The following CCDC66 variants were observed in gnomAD, a reference collection of about 807,000 sequenced individuals.
The protein encoded by CCDC66 is coiled-coil domain-containing protein 66.
CCDC66 carries 133 observed loss-of-function variants against 128.3 expected under a neutral mutation model. The ratio of observed to expected loss-of-function variants is 1.04; its 90% CI spans 0.90 to 1.20. The LOEUF (loss-of-function observed/expected upper bound fraction) is 1.20, where lower values mean the gene tolerates loss of function less well. CCDC66 is among the 50% of genes most tolerant of loss of function. The pLI is 0.00. For missense variants in CCDC66, 1,126 were observed against 1,075.5 expected (o/e 1.05, Z -0.66); for synonymous variants, 387 against 357.0 (o/e 1.08, Z -0.95).
At chr3:56,619,633 G>A (rs1031888374) in intron 16 of CCDC66, 106 bp downstream of exon 16, 33 of 1,489,378 alleles carry the variant, frequency 2.2e-5, no homozygotes, top group Non-Finnish European at 2.8e-5. Context: ...GTTCTATAAA[G>A]TTTCTTGAAT....
chr3:56,566,705 C>T lies in CCDC66; in HGVS notation c.656C>T (p.Ser219Phe). 3 of 1,613,788 alleles carry T rather than the reference C, an allele frequency of 1.9e-6. No homozygotes were observed. Among genetic ancestry groups the T allele is most frequent in the Non-Finnish European group, 2.5e-6 (3 of 1,179,838 alleles). ...MVSSVPAENK[S>F]VLNEHQETSK... ...TCATCTGTCCCAGCTGAAAATAAATCTGTCTTAAATGAACATCAGGAGACA... is the reference window on the plus strand; with the variant it reads ...TCATCTGTCCCAGCTGAAAATAAATTTGTCTTAAATGAACATCAGGAGACA... Residue 219 changes from serine (S) to phenylalanine (F), a missense_variant, in exon 5 of 18, where the codon TCT (serine) becomes TTT (phenylalanine). Coordinates refer to ENST00000394672, the MANE Select transcript of CCDC66 (RefSeq NM_001141947.3).
intron 10 of CCDC66, among the ~76,000 whole-genome samples, 160 bp from the exon 11 acceptor site, chr3:56,613,429 G>T (rs551688433): frequency 1.3e-5 from 2 of 152,096 alleles, no homozygotes; most frequent in Non-Finnish European, 1.5e-5. Context: ...GAATTCCACT[G>T]TTCTCTGTTA....
At chr3:56,595,129 A>T (rs1314799358) in intron 10 of CCDC66, among the ~76,000 whole-genome samples, 1 of 152,164 alleles carries the variant, frequency 6.6e-6, no homozygotes, top group Non-Finnish European at 1.5e-5. Context: ...TTGATATATA[A>T]TGTTTTATAT....
At position 56,577,851 on chromosome 3, in the gene CCDC66, A is replaced by G. The variant is rs1017728212; in HGVS notation, c.936+6549A>G. ...GTAGTGTAGTTTGAAGTGAGACAGC[A>G]TGATGCCTCCAGCTTTGTTCTTTTT... is the stretch of plus-strand genomic sequence containing the variant. On this transcript the variant is annotated intron_variant, in intron 7 of 17. Transcript: ENST00000394672. 2.0e-5 allele frequency among the ~76,000 whole-genome samples: 3 copies of G among 151,790 alleles called. No individual in the cohort carries two copies. In the Admixed American group the frequency reaches 2.0e-4, roughly 10 times the overall value.
At chr3:56,603,805 C>T (rs1415607721) in intron 10 of CCDC66, among the ~76,000 whole-genome samples, 12 of 151,912 alleles carry the variant, frequency 7.9e-5, no homozygotes, top group Non-Finnish European at 1.8e-4. Context: ...ATTAGGTCTG[C>T]TTGGTCCAGA....
Position 56,612,764 on chromosome 3 carries a change from CTCAGGTG to C in CCDC66, c.1405-824_1405-818del, listed in dbSNP as rs1251341824. ...TTGGGCCCATACTCTAGGAGGAGTG[CTCAGGTG>C]CCAATGGTGGTGTCCTGGGCAGGGC... On this transcript the variant is annotated intron_variant, in intron 10 of 17. Coordinates refer to ENST00000394672, the MANE Select transcript of CCDC66 (RefSeq NM_001141947.3). Among the ~76,000 whole-genome samples the C allele has an allele frequency of 3.3e-5, 5 of 152,256 alleles. No homozygotes were observed. The East Asian group carries it at 9.7e-4, about 29-fold the overall frequency.
At chr3:56,618,141 T>A in intron 14 of CCDC66, 31 bp from the exon 15 acceptor site, 2 of 1,555,324 alleles carry the variant, frequency 1.3e-6, no homozygotes, top group Non-Finnish European at 1.8e-6. Flanking sequence ...TGCTATATAT[T>A]CCTTTCTGCA....
At chr3:56,619,227 C>T in intron 15 of CCDC66, 44 bp from the exon 16 acceptor site, 2 of 1,399,430 alleles carry the variant, frequency 1.4e-6, no homozygotes, top group Non-Finnish European at 1.9e-6. Context: ...AAGAGATATA[C>T]TTAATCTAAA....
intron 4 of CCDC66, among the ~76,000 whole-genome samples, chr3:56,566,229 A>C (rs2065842616): frequency 6.6e-6 from 1 of 152,040 alleles, no homozygotes; most frequent in Admixed American, 6.6e-5. Flanking sequence ...GGCTCAACCC[A>C]TCCTCCCACC....
chr3:56,619,012 A>C, intron 15 of CCDC66: 1 of 321,652 alleles, frequency 3.1e-6, no homozygotes, highest in Non-Finnish European at 5.7e-6. Flanking sequence ...TGAGGTCAGG[A>C]GTTCAAGACC....
At position 56,605,202 on chromosome 3, in the gene CCDC66, A is replaced by G. The variant is rs200777518; in HGVS notation, c.1405-8387A>G. Among the ~76,000 whole-genome samples, 11 of 152,074 alleles carry G rather than the reference A, an allele frequency of 7.2e-5. No individual in the cohort carries two copies. The East Asian group carries it at 1.5e-3, about 21-fold the overall frequency. ...TTTTCAAGGTTCTTAGCTTCCTTGC[A>G]TTGGGTTAGAACAGGCTCCTTTAGC... On this transcript the variant is annotated intron_variant, in intron 10 of 17. Transcript: ENST00000394672.
At chr3:56,619,669 T>C in intron 16 of CCDC66, 108 bp from the exon 17 acceptor site, 1 of 1,490,320 alleles carries the variant, frequency 6.7e-7, no homozygotes, top group Non-Finnish European at 9.0e-7. Context: ...CTTAGTACTT[T>C]CCTAGGATAC....
At chr3:56,566,846 C>G in intron 5 of CCDC66, 87 bp downstream of exon 5, 1 of 1,473,102 alleles carries the variant, frequency 6.8e-7, no homozygotes, top group Non-Finnish European at 9.3e-7. Context: ...AATAGTTACT[C>G]TGAATACTTA....
At chr3:56,567,941 C>T (rs544799167) in intron 6 of CCDC66, among the ~76,000 whole-genome samples, 2 of 152,234 alleles carry the variant, frequency 1.3e-5, no homozygotes, top group Admixed American at 6.5e-5. Context: ...CCACCTGCCT[C>T]GGCCTCCCAA....
chr3:56,619,177 G>A, intron 15 of CCDC66, 94 bp from the exon 16 acceptor site: 1 of 1,071,448 alleles, frequency 9.3e-7, no homozygotes, highest in Non-Finnish European at 1.3e-6. Context: ...CTGGGCAACA[G>A]AGCGAGACTT....
chr3:56,566,936 G>T lies in CCDC66; in HGVS notation c.711-14G>T. The T allele has an allele frequency of 6.3e-7, 1 of 1,596,968 alleles. No homozygotes were observed. The highest frequency in any genetic ancestry group is 8.6e-7 in the Non-Finnish European group (1 of 1,166,566). On this transcript the variant is annotated splice_polypyrimidine_tract_variant and intron_variant, in intron 5 of 17. Coordinates refer to ENST00000394672, the MANE Select transcript of CCDC66 (RefSeq NM_001141947.3). Reference sequence around the variant, plus strand: ...TATGATACAGTTTCTGTTATCTTTTGTGTTTTACCTTAGAGAGAATGAATG... The same window carrying T: ...TATGATACAGTTTCTGTTATCTTTTTTGTTTTACCTTAGAGAGAATGAATG...
chr3:56,561,207 A>G, intron 3 of CCDC66: 1 of 455,268 alleles, frequency 2.2e-6, no homozygotes, highest in Non-Finnish European at 4.4e-6. Context: ...GCCTTTATCA[A>G]GTTCCTAGAT....
rs541193826 is a variant in CCDC66, at chr3:56,582,270, G to C, written c.937-10700G>C. On this transcript the variant is annotated intron_variant, in intron 7 of 17. Coordinates refer to ENST00000394672, the MANE Select transcript of CCDC66 (RefSeq NM_001141947.3). ...TTGCTAAGGCCATTGGAAAAGCGCA[G>C]TATTAGGGTGGGAGTGTCCCGATTT... 4.2e-4 allele frequency among the ~76,000 whole-genome samples: 64 copies of C among 152,016 alleles called. 1 individual carries two copies. The highest frequency in any genetic ancestry group is 5.7e-4 in the Non-Finnish European group (39 of 68,024).
At chr3:56,608,979 T>C (rs1288289378) in intron 10 of CCDC66, among the ~76,000 whole-genome samples, 1 of 152,238 alleles carries the variant, frequency 6.6e-6, no homozygotes, top group African/African-American at 2.4e-5. Context: ...GTGCTTGATA[T>C]AATTTCAGTT....
Sources: allele counts gnomAD v4.1 joint callset (sites outside exome capture counted in the v4.1 genomes callset), GRCh38; gene constraint gnomAD v4.1.1; transcripts MANE v1.5; gene names NCBI Gene and HGNC (gene_info 2026-07-23, HGNC 2026-07-21).